The following RHEB variants were observed in gnomAD, a reference collection of about 807,000 sequenced individuals.
RHEB encodes Ras homolog, mTORC1 binding, also known as GTP-binding protein Rheb.
A neutral mutation model predicts 28.8 loss-of-function variants in RHEB; 2 were observed. The observed-to-expected ratio is 0.07, with a 90% CI of 0.03 to 0.22. The LOEUF (loss-of-function observed/expected upper bound fraction) is 0.22. Among genes scored for constraint, RHEB ranks in the 10% least tolerant of loss-of-function variants. RHEB has a pLI of 1.00. For synonymous variants in RHEB, 69 were observed against 77.3 expected (o/e 0.89, Z 0.56); for missense variants, 76 against 219.9 (o/e 0.35, Z 4.14).
intron 7 of RHEB, among the ~76,000 whole-genome samples, chr7:151,467,603 G>A (rs551647345): frequency 6.6e-6 from 1 of 152,206 alleles, no homozygotes; most frequent in African/African-American, 2.4e-5. Flanking sequence ...TACTCTCCCA[G>A]CAGCCCTTGC....
At chr7:151,469,607 A>G (rs1186204333) in intron 7 of RHEB, among the ~76,000 whole-genome samples, 1 of 152,206 alleles carries the variant, frequency 6.6e-6, no homozygotes, top group African/African-American at 2.4e-5. Context: ...ACACCACCAC[A>G]TGTTGAAAAC....
At chr7:151,497,174 G>GT (rs1185783186) in intron 1 of RHEB, among the ~76,000 whole-genome samples, 1 of 152,078 alleles carries the variant, frequency 6.6e-6, no homozygotes, top group Non-Finnish European at 1.5e-5. Flanking sequence ...ATGTGGGCTG[G>GT]TGACCCTTAG....
At chr7:151,470,361 C>A (rs1289988279) in intron 7 of RHEB, 2 of 386,258 alleles carry the variant, frequency 5.2e-6, no homozygotes, top group Non-Finnish European at 4.7e-6. Context: ...TACAAATATC[C>A]TAGGTTCCAC....
chr7:151,489,348 C>T (rs1421563694), intron 2 of RHEB, among the ~76,000 whole-genome samples: 1 of 152,164 alleles, frequency 6.6e-6, no homozygotes, highest in East Asian at 1.9e-4. Context: ...TAATCTGCTC[C>T]TCACACTTGC....
intron 4 of RHEB, chr7:151,472,000 A>G (rs4726030): frequency 0.019 from 3,384 of 174,456 alleles, 114 homozygotes; most frequent in African/African-American, 0.075. Flanking sequence ...AGGTACATAC[A>G]TTCTCTGGGT....
At chr7:151,469,931 G>A (rs1162010248) in intron 7 of RHEB, among the ~76,000 whole-genome samples, 5 of 151,970 alleles carry the variant, frequency 3.3e-5, no homozygotes, top group African/African-American at 1.2e-4. Context: ...ATTAAGGGCA[G>A]CAAAAAAAAT....
At chr7:151,470,744 C>A in intron 6 of RHEB, 92 bp from the exon 7 acceptor site, 1 of 824,684 alleles carries the variant, frequency 1.2e-6, no homozygotes, top group South Asian at 1.7e-5. Context: ...CCATTTTGGT[C>A]AATTTCTTTC....
chr7:151,493,259 C>T (rs1802617143), intron 1 of RHEB, among the ~76,000 whole-genome samples: 1 of 152,108 alleles, frequency 6.6e-6, no homozygotes, highest in Non-Finnish European at 1.5e-5. Flanking sequence ...AGTCACATCC[C>T]TTCTGCTCCT....
At chr7:151,516,625 A>C (rs1453626598) in intron 1 of RHEB, among the ~76,000 whole-genome samples, 1 of 52,730 alleles carries the variant, frequency 1.9e-5, no homozygotes, top group Non-Finnish European at 4.9e-5. Context: ...TCTGTCACAA[A>C]AAAAAAAAAA....
chr7:151,491,605 C>T (rs1238388776), intron 1 of RHEB, among the ~76,000 whole-genome samples: 1 of 152,034 alleles, frequency 6.6e-6, no homozygotes, highest in Non-Finnish European at 1.5e-5. Context: ...GGTGTGGTGG[C>T]GGGCACCTGT....
intron 1 of RHEB, among the ~76,000 whole-genome samples, chr7:151,500,917 G>T (rs945661859): frequency 6.6e-6 from 1 of 152,146 alleles, no homozygotes; most frequent in Non-Finnish European, 1.5e-5. Context: ...CTGGGAGGTT[G>T]AGGCTGCAGC....
intron 1 of RHEB, 64 bp from the exon 2 acceptor site, chr7:151,491,078 T>C: frequency 1.6e-6 from 2 of 1,220,154 alleles, no homozygotes; most frequent in Admixed American, 2.0e-5. Context: ...TTAATTTTGC[T>C]GTTTTATTAA....
intron 2 of RHEB, 111 bp downstream of exon 2, chr7:151,490,832 G>T: frequency 1.2e-6 from 1 of 834,208 alleles, no homozygotes; most frequent in Non-Finnish European, 2.1e-6. Context: ...GACCCCAATT[G>T]GGAGACACAC....
chr7:151,512,864 T>C (rs1428259787), intron 1 of RHEB, among the ~76,000 whole-genome samples: 1 of 152,242 alleles, frequency 6.6e-6, no homozygotes, highest in Non-Finnish European at 1.5e-5. Context: ...ATAGCAATAT[T>C]AAGTTATCAT....
At chr7:151,511,435 A>G (rs1298074223) in intron 1 of RHEB, among the ~76,000 whole-genome samples, 2 of 152,198 alleles carry the variant, frequency 1.3e-5, no homozygotes, top group African/African-American at 4.8e-5. Flanking sequence ...GACACTTCGG[A>G]GTGAATTCTA....
intron 7 of RHEB, among the ~76,000 whole-genome samples, chr7:151,467,985 C>T (rs1328567166): frequency 1.3e-5 from 2 of 152,096 alleles, no homozygotes; most frequent in African/African-American, 4.8e-5. Context: ...CCTCCTTATG[C>T]ACCAGGACAA....
Position 151,471,531 on chromosome 7 carries a change from T to TA in RHEB, c.332+17dup, listed in dbSNP as rs1181480271. On this transcript the variant is annotated intron_variant, in intron 5 of 7. Transcript: ENST00000262187. ...AAAAGAAGTTTCTCTAACAAGCAGATAAAATGGTACTACTTACTGTACTTT... is the reference window on the plus strand; with the variant it reads ...AAAAGAAGTTTCTCTAACAAGCAGATAAAAATGGTACTACTTACTGTACTTT... The TA allele has an allele frequency of 6.3e-7, 1 of 1,592,182 alleles. No homozygotes were observed. The highest frequency in any genetic ancestry group is 8.6e-7 in the Non-Finnish European group (1 of 1,163,618).
chr7:151,500,883 A>G (rs1802761283), intron 1 of RHEB, among the ~76,000 whole-genome samples: 1 of 152,060 alleles, frequency 6.6e-6, no homozygotes, highest in Admixed American at 6.6e-5. Flanking sequence ...ACTGGGGAGG[A>G]TGAGGTGGAA....
chr7:151,514,630 A>G (rs1201249964), intron 1 of RHEB, among the ~76,000 whole-genome samples: 1 of 152,256 alleles, frequency 6.6e-6, no homozygotes, highest in Non-Finnish European at 1.5e-5. Context: ...TATTAAGCAC[A>G]GAGTTAACCA....
Sources: gnomAD v4.1 joint callset for allele counts (sites outside exome capture counted in the v4.1 genomes callset) on GRCh38, gnomAD v4.1.1 for gene constraint, MANE v1.5 for transcripts, NCBI Gene and HGNC (gene_info 2026-07-23, HGNC 2026-07-21) for gene names.